Variants in ITGB5 observed in about 807,000 individuals in gnomAD.
ITGB5 encodes the protein integrin beta-5.
ITGB5 carries 38 observed loss-of-function variants against 84.8 expected under a neutral mutation model. The observed-to-expected ratio is 0.45, with a 90% confidence interval of 0.35 to 0.59. The LOEUF (loss-of-function observed/expected upper bound fraction) is 0.59, where lower values mean the gene tolerates loss of function less well. ITGB5 is among the 20% of genes least tolerant of loss of function. The pLI is 0.01. For synonymous variants in ITGB5, 393 were observed against 414.4 expected, an observed-to-expected ratio of 0.95 and a Z score of 0.63; for missense variants, 905 against 1,034.5, an observed-to-expected ratio of 0.87 and a Z score of 1.72.
intron 5 of ITGB5, among the ~76,000 whole-genome samples, chr3:124,835,951 A>C (rs2064929616): frequency 6.6e-6 from 1 of 152,138 alleles, no homozygotes; most frequent in Non-Finnish European, 1.5e-5. Context: ...GAGACAAAAA[A>C]GCAAAATCAA....
At position 124,840,572 on chromosome 3, in the gene ITGB5, A is replaced by G. The variant is rs2064996703; in HGVS notation, c.780+811T>C. The stretch of plus-strand genomic sequence containing the variant: ...ATGAGTTCATTTCTGATCTAAGTCT[A>G]GGCCCTCCCTCTGGATTCATATATC... On this transcript the variant is annotated intron_variant, in intron 5 of 14. Transcript: ENST00000296181. Among the ~76,000 whole-genome samples, 3 of 152,300 alleles carry G rather than the reference A, an allele frequency of 2.0e-5. No individual in the cohort carries two copies. In the South Asian group the frequency reaches 6.2e-4, roughly 32 times the overall value.
intron 3 of ITGB5, among the ~76,000 whole-genome samples, chr3:124,856,381 C>T (rs2065222880): frequency 6.6e-6 from 1 of 152,186 alleles, no homozygotes; most frequent in Admixed American, 6.5e-5. Flanking sequence ...AGAGACTTGC[C>T]ACCATAAAGG....
In ITGB5 at chr3:124,821,459, G is replaced by T. The variant is rs761920079; in HGVS notation, c.796C>A (p.Arg266=). ...AAVCKEKIGW[R]KDALHLLVFT... is the part of the protein sequence containing the mutation. The stretch of plus-strand genomic sequence containing the variant: ...ACCAGCAAATGCAGTGCATCCTTTC[G>T]CCAGCCAATCTTCTCCTGAAGGACA... The change falls in exon 6 of 15, where the codon CGA becomes AGA. Residue 266 remains arginine (R), a synonymous_variant. Coordinates refer to ENST00000296181, the MANE Select transcript of ITGB5 (RefSeq NM_002213.5). 6 of 1,613,950 alleles carry T rather than the reference G, an allele frequency of 3.7e-6. No homozygotes were observed. The East Asian group carries it at 1.3e-4, about 36-fold the overall frequency.
intron 5 of ITGB5, among the ~76,000 whole-genome samples, chr3:124,827,674 G>A (rs1393023776): frequency 6.6e-6 from 1 of 152,180 alleles, no homozygotes; most frequent in Non-Finnish European, 1.5e-5. Context: ...CTGAGCCCAA[G>A]CTAAGCCATC....
chr3:124,851,915 C>T (rs2065161799), intron 3 of ITGB5, among the ~76,000 whole-genome samples: 1 of 152,108 alleles, frequency 6.6e-6, no homozygotes, highest in African/African-American at 2.4e-5. Context: ...CCAACAACTC[C>T]CCAAAAAGGG....
intron 9 of ITGB5, among the ~76,000 whole-genome samples, chr3:124,804,964 C>A (rs111639979): frequency 0.013 from 1,908 of 151,138 alleles, 32 homozygotes; most frequent in African/African-American, 0.044. Context: ...ACCGTGCCCG[C>A]CTTTCTTTCT....
Position 124,894,137 on chromosome 3 carries a change from T to TTTTTTTC in ITGB5, c.-255+7128_-255+7129insGAAAAAA, listed in dbSNP as rs1441247616. 7.4e-3 allele frequency among the ~76,000 whole-genome samples: 928 copies of TTTTTTTC among 125,494 alleles called. 49 individuals carry two copies. The highest frequency in any genetic ancestry group is 0.026 in the African/African-American group (862 of 33,072). The allele number at this position is 125,494 out of a possible 152,430, so 82.3% of individuals were successfully genotyped here. ...TAGTAAAAGTTGTGATATTTTTCTT[T>TTTTTTTC]TTTTTTTTTTTTTTTGAGACAGAGT... On this transcript the variant is annotated intron_variant, in intron 1 of 4. Coordinates refer to the ITGB5 transcript ENST00000608657.
chr3:124,808,040 A>T (rs1318176403), intron 9 of ITGB5, among the ~76,000 whole-genome samples: 1 of 137,702 alleles, frequency 7.3e-6, no homozygotes, highest in African/African-American at 2.7e-5. Flanking sequence ...GGGATGGGAG[A>T]GGATCTACAG....
intron 10 of ITGB5, among the ~76,000 whole-genome samples, chr3:124,778,406 T>C (rs1185561486): frequency 6.6e-6 from 1 of 152,212 alleles, no homozygotes; most frequent in East Asian, 1.9e-4. Context: ...AATTGAATCC[T>C]GGCTATTCAG....
intron 6 of ITGB5, 42 bp from the exon 7 acceptor site, chr3:124,819,876 G>A (rs974807803): frequency 7.8e-6 from 11 of 1,410,526 alleles, no homozygotes; most frequent in Non-Finnish European, 1.1e-5. Context: ...ATTCCTAACA[G>A]GTGTAGATAC....
rs150063784 is a variant in ITGB5 at position 124,768,412 on chromosome 3, T to C, written c.2017+601A>G. ...CACACCTGTTAGTAGTCAATGCCAA[T>C]TTTCCCTTCTCCCTAGCATCAGGAC... On this transcript the variant is annotated intron_variant, in intron 12 of 14. Coordinates refer to ENST00000296181, the MANE Select transcript of ITGB5 (RefSeq NM_002213.5). Among the ~76,000 whole-genome samples the C allele has an allele frequency of 3.3e-4, 51 of 152,354 alleles. No homozygotes were observed. The East Asian group carries it at 9.3e-3, about 28-fold the overall frequency.
At chr3:124,788,240 G>T (rs2064110327) in intron 10 of ITGB5, among the ~76,000 whole-genome samples, 1 of 152,146 alleles carries the variant, frequency 6.6e-6, no homozygotes, top group African/African-American at 2.4e-5. Flanking sequence ...CCTGGTGGTA[G>T]GGCCCCTGCA....
chr3:124,861,199 A>G (rs1196767004), intron 2 of ITGB5, among the ~76,000 whole-genome samples: 1 of 152,070 alleles, frequency 6.6e-6, no homozygotes, highest in African/African-American at 2.4e-5. Context: ...TTTTTTTTTA[A>G]TAACGATTTT....
At chr3:124,863,117 G>A (rs2065328857) in intron 2 of ITGB5, 1 of 152,156 alleles carries the variant, frequency 6.6e-6, no homozygotes, top group Non-Finnish European at 1.5e-5. Flanking sequence ...TCTAGGTCAG[G>A]CCATATGGTT....
intron 1 of ITGB5, among the ~76,000 whole-genome samples, chr3:124,893,718 A>T (rs772706398): frequency 7.4e-4 from 112 of 152,284 alleles, no homozygotes; most frequent in Admixed American, 1.8e-3. Flanking sequence ...AGATCTCAGT[A>T]ATTTTTGTTT....
chr3:124,875,912 T>C (rs1579330423), intron 1 of ITGB5, among the ~76,000 whole-genome samples: 2 of 152,330 alleles, frequency 1.3e-5, no homozygotes, highest in African/African-American at 4.8e-5. Flanking sequence ...TACTGCATTA[T>C]GTCACTTATA....
chr3:124,771,864 A>C (rs2063850807), intron 11 of ITGB5, among the ~76,000 whole-genome samples: 1 of 152,174 alleles, frequency 6.6e-6, no homozygotes, highest in South Asian at 2.1e-4. Flanking sequence ...TCTTCTAAGA[A>C]ATAAATGCTT....
At chr3:124,776,231 T>A (rs2063924966) in intron 10 of ITGB5, among the ~76,000 whole-genome samples, 1 of 152,128 alleles carries the variant, frequency 6.6e-6, no homozygotes, top group Non-Finnish European at 1.5e-5. Context: ...GAGAGGGCGG[T>A]CCTGCCCCTC....
At chr3:124,805,613 G>A (rs183166756) in intron 9 of ITGB5, among the ~76,000 whole-genome samples, 184 of 152,142 alleles carry the variant, frequency 1.2e-3, no homozygotes, top group Middle Eastern at 3.4e-3. Context: ...TACCATGCCC[G>A]GCTAATTTTT....
Sources: gnomAD v4.1 joint callset for allele counts (sites outside exome capture counted in the v4.1 genomes callset) on GRCh38, gnomAD v4.1.1 for gene constraint, MANE v1.5 for transcripts, NCBI Gene and HGNC (gene_info 2026-07-23, HGNC 2026-07-21) for gene names.